IL1R2: variants seen among roughly 807,000 people sequenced by gnomAD.
The protein encoded by IL1R2 is interleukin 1 receptor type 2.
In IL1R2, 46 loss-of-function variants were observed where a neutral mutation model predicts 39.5. The observed-to-expected ratio is 1.16, with a 90% confidence interval of 0.92 to 1.49. The LOEUF (loss-of-function observed/expected upper bound fraction) is 1.49, where lower values mean the gene tolerates loss of function less well. Among genes scored for constraint, IL1R2 ranks in the 40% most tolerant of loss-of-function variants. The pLI is 0.00. For missense variants in IL1R2, 537 were observed against 502.0 expected (o/e 1.07, Z -0.67); for synonymous variants, 207 against 189.6 (o/e 1.09, Z -0.75).
chr2:102,013,338 G>A (rs367823041), intron 3 of IL1R2, among the ~76,000 whole-genome samples: 6 of 151,906 alleles, frequency 3.9e-5, no homozygotes, highest in East Asian at 1.9e-4. Flanking sequence ...ACTCTTTAGC[G>A]TTGATAGTCA....
At chr2:102,019,291 C>A (rs3218941) in intron 4 of IL1R2, among the ~76,000 whole-genome samples, 1 of 152,198 alleles carries the variant, frequency 6.6e-6, no homozygotes, top group Non-Finnish European at 1.5e-5. Flanking sequence ...GTGCTCTTCC[C>A]AGATACTTCC....
chr2:102,020,917 C>CG (rs1435052185), intron 5 of IL1R2, among the ~76,000 whole-genome samples: 13 of 152,318 alleles, frequency 8.5e-5, no homozygotes, highest in Admixed American at 7.8e-4. Flanking sequence ...ATGCAAATCT[C>CG]GGGTCCCGTG....
At chr2:102,000,675 C>G (rs1482545215) in intron 1 of IL1R2, among the ~76,000 whole-genome samples, 1 of 152,190 alleles carries the variant, frequency 6.6e-6, no homozygotes, top group Non-Finnish European at 1.5e-5. Flanking sequence ...GGAGGCCCCT[C>G]TAGCTCCAGG....
chr2:102,013,882 A>C (rs1005583687), intron 3 of IL1R2, among the ~76,000 whole-genome samples: 6 of 152,134 alleles, frequency 3.9e-5, no homozygotes, highest in African/African-American at 1.4e-4. Flanking sequence ...AAGAGTCCCC[A>C]CAGTGGGGAC....
chr2:102,015,969 T>C lies in IL1R2; in HGVS notation c.431T>C (p.Leu144Ser), dbSNP rs1355502883. The change falls in exon 4 of 9, where the codon TTG (leucine) becomes TCG (serine). Residue 144 changes from leucine to serine, a missense_variant. Coordinates refer to ENST00000332549, the MANE Select transcript of IL1R2 (RefSeq NM_004633.4). ...ATCTCATACCCGCAAATTTTAACCT[T>C]GTCAACCTCTGGGGTATTAGTATGC... ...PFISYPQILT[L>S]STSGVLVCPD... The C allele has an allele frequency of 1.9e-6, 3 of 1,614,000 alleles. No individual in the cohort carries two copies. The highest frequency in any genetic ancestry group is 1.7e-5 in the Admixed American group (1 of 60,024).
chr2:102,011,891 T>G (rs2150438742), intron 3 of IL1R2, among the ~76,000 whole-genome samples: 1 of 152,362 alleles, frequency 6.6e-6, no homozygotes, highest in African/African-American at 2.4e-5. Flanking sequence ...GCTCTTTTGC[T>G]TTTTGATCCA....
At chr2:101,993,256 C>A (rs555874147) in intron 1 of IL1R2, among the ~76,000 whole-genome samples, 2 of 152,086 alleles carry the variant, frequency 1.3e-5, no homozygotes, top group African/African-American at 2.4e-5. Context: ...TCCCCAGAGG[C>A]GAACTGGCCT....
intron 8 of IL1R2, among the ~76,000 whole-genome samples, chr2:102,027,940 A>G (rs990947302): frequency 2.0e-5 from 3 of 152,160 alleles, no homozygotes; most frequent in Admixed American, 6.5e-5. Flanking sequence ...TCTTAAACGC[A>G]CAGTGTCCCA....
At chr2:102,018,799 C>T (rs1424079478) in intron 4 of IL1R2, among the ~76,000 whole-genome samples, 1 of 152,090 alleles carries the variant, frequency 6.6e-6, no homozygotes, top group Non-Finnish European at 1.5e-5. Context: ...GTGCTGGGCT[C>T]TATTTGGCAT....
intron 3 of IL1R2, among the ~76,000 whole-genome samples, chr2:102,014,364 G>T (rs1676858053): frequency 6.6e-6 from 1 of 152,172 alleles, no homozygotes; most frequent in South Asian, 2.1e-4. Context: ...ACAGGGTCTG[G>T]CCTGCATCTA....
At chr2:101,999,892 A>G (rs1241217134) in intron 1 of IL1R2, among the ~76,000 whole-genome samples, 4 of 152,218 alleles carry the variant, frequency 2.6e-5, no homozygotes, top group Admixed American at 6.5e-5. Flanking sequence ...TGTGTATTTT[A>G]TAAAGTAAAT....
intron 4 of IL1R2, among the ~76,000 whole-genome samples, chr2:102,017,992 A>G (rs925835920): frequency 6.6e-6 from 1 of 152,228 alleles, no homozygotes; most frequent in African/African-American, 2.4e-5. Flanking sequence ...CAGCATCTCT[A>G]TATAGGATAT....
At chr2:102,015,302 G>T (rs555895058) in intron 3 of IL1R2, among the ~76,000 whole-genome samples, 2 of 152,122 alleles carry the variant, frequency 1.3e-5, no homozygotes, top group Non-Finnish European at 2.9e-5. Context: ...CATTAGAATC[G>T]GGCTTGTAGA....
chr2:102,007,659 A>G (rs565830594), intron 1 of IL1R2, among the ~76,000 whole-genome samples: 27 of 152,328 alleles, frequency 1.8e-4, no homozygotes, highest in African/African-American at 6.5e-4. Context: ...CCTTTCTCCA[A>G]AGATGATTTT....
chr2:101,999,574 T>C (rs1577679274), intron 1 of IL1R2, among the ~76,000 whole-genome samples: 1 of 152,176 alleles, frequency 6.6e-6, no homozygotes, highest in Admixed American at 6.5e-5. Flanking sequence ...CAAATCCAGA[T>C]TGACTTAGAG....
At chr2:102,021,305 CTTTTTTTT>C (rs546019141) in intron 5 of IL1R2, among the ~76,000 whole-genome samples, 1 of 122,856 alleles carries the variant, frequency 8.1e-6, no homozygotes, top group Admixed American at 8.4e-5. Flanking sequence ...CTTTTCTTTT[CTTTTTTTT>C]TTTTTTTTTG....
intron 1 of IL1R2, among the ~76,000 whole-genome samples, chr2:102,006,631 C>T (rs765621530): frequency 6.6e-6 from 1 of 152,188 alleles, no homozygotes; most frequent in Non-Finnish European, 1.5e-5. Flanking sequence ...GATTCATTCA[C>T]AACTCCTGCC....
chr2:102,013,933 T>A (rs528508345), intron 3 of IL1R2, among the ~76,000 whole-genome samples: 1 of 152,108 alleles, frequency 6.6e-6, no homozygotes, highest in Admixed American at 6.5e-5. Flanking sequence ...TAGGGAGAAC[T>A]GGGCCTATTT....
intron 4 of IL1R2, chr2:102,016,274 C>T: frequency 2.5e-6 from 1 of 399,146 alleles, no homozygotes; most frequent in South Asian, 3.9e-5. Context: ...CAGTACAATA[C>T]AAATAATACA....
Sources: allele counts gnomAD v4.1 joint callset (sites outside exome capture counted in the v4.1 genomes callset), GRCh38; gene constraint gnomAD v4.1.1; transcripts MANE v1.5; gene names NCBI Gene and HGNC (gene_info 2026-07-23, HGNC 2026-07-21).